NUDC: variants seen among roughly 807,000 people sequenced by gnomAD.
NUDC encodes nuclear distribution C, dynein complex regulator.
NUDC carries 14 observed loss-of-function variants against 45.0 expected under a neutral mutation model. The ratio of observed to expected loss-of-function variants is 0.31; its 90% CI spans 0.21 to 0.49. NUDC has a LOEUF of 0.49. Among genes scored for constraint, NUDC ranks in the 20% least tolerant of loss-of-function variants. The probability of loss-of-function intolerance (pLI) is 0.99; values close to 1 mark genes in which losing one functional copy is unlikely to be tolerated. For synonymous variants in NUDC, 153 were observed against 156.7 expected (o/e 0.98, Z 0.17); for missense variants, 323 against 426.2 (o/e 0.76, Z 2.13).
upstream of NUDC, among the ~76,000 whole-genome samples, chr1:26,917,264 A>C (rs1185787909): frequency 6.6e-6 from 1 of 151,174 alleles, no homozygotes; most frequent in African/African-American, 2.4e-5. Context: ...TCTCAAAATA[A>C]TAATAATAAT....
intron 2 of NUDC, among the ~76,000 whole-genome samples, chr1:26,908,483 A>G (rs1338262415): frequency 6.6e-6 from 1 of 152,214 alleles, no homozygotes; most frequent in African/African-American, 2.4e-5. Context: ...CAGACAAGAA[A>G]CAGAAGTGTA....
upstream of NUDC, among the ~76,000 whole-genome samples, chr1:26,919,429 G>A (rs980687999): frequency 6.6e-6 from 1 of 152,118 alleles, no homozygotes; most frequent in Admixed American, 6.6e-5. Context: ...TGCAAGTGTT[G>A]GGATTACAGG....
At chr1:26,943,954 T>C (rs2082299123) in intron 6 of NUDC, among the ~76,000 whole-genome samples, 1 of 152,062 alleles carries the variant, frequency 6.6e-6, no homozygotes, top group South Asian at 2.1e-4. Context: ...CTCGGCTCAC[T>C]GCGAGCTCCG....
chr1:26,927,832 G>A (rs1321379219), intron 2 of NUDC, among the ~76,000 whole-genome samples: 1 of 152,058 alleles, frequency 6.6e-6, no homozygotes, highest in African/African-American at 2.4e-5. Context: ...AAATTATTTG[G>A]ATTTCAGAAA....
chr1:26,928,646 G>A (rs866940144), intron 2 of NUDC, among the ~76,000 whole-genome samples: 4 of 152,160 alleles, frequency 2.6e-5, no homozygotes, highest in African/African-American at 7.2e-5. Flanking sequence ...TCAGTGAGCC[G>A]TGATTGTGTC....
intron 1 of NUDC, among the ~76,000 whole-genome samples, chr1:26,901,590 A>G (rs1469399041): frequency 6.6e-6 from 1 of 151,686 alleles, no homozygotes; most frequent in African/African-American, 2.4e-5. Context: ...TTTTTAGTAG[A>G]GACGGGGTTT....
At chr1:26,909,495 G>A (rs999874630) in intron 2 of NUDC, among the ~76,000 whole-genome samples, 1 of 152,152 alleles carries the variant, frequency 6.6e-6, no homozygotes, top group Non-Finnish European at 1.5e-5. Context: ...GCCTAGGGTG[G>A]GGCATAGAGA....
intron 4 of NUDC, 88 bp from the exon 5 acceptor site, chr1:26,942,572 C>T: frequency 6.3e-7 from 1 of 1,590,620 alleles, no homozygotes; most frequent in Non-Finnish European, 8.6e-7. Flanking sequence ...GCTGTATGCC[C>T]AGTGCTAGCC....
At chr1:26,930,673 T>C (rs2082175752) in intron 2 of NUDC, among the ~76,000 whole-genome samples, 2 of 148,044 alleles carry the variant, frequency 1.4e-5, no homozygotes, top group Non-Finnish European at 3.0e-5. Context: ...TAAACGGCAC[T>C]GTAATCCATC....
chr1:26,941,463 A>T lies in NUDC; in HGVS notation c.166A>T (p.Thr56Ser). The T allele has an allele frequency of 1.2e-6, 2 of 1,613,812 alleles. No individual in the cohort carries two copies. Among genetic ancestry groups the T allele is most frequent in the Non-Finnish European group, 1.7e-6 (2 of 1,179,992 alleles). ...GCCTTTCTTCCCTCTCCAGCTTATCACACAGACTTTCAGCCACCACAATCA... is the reference window on the plus strand; with the variant it reads ...GCCTTTCTTCCCTCTCCAGCTTATCTCACAGACTTTCAGCCACCACAATCA... ...GEEGMAEKLITQTFSHHNQLA... is the reference protein window; with the variant it reads ...GEEGMAEKLISQTFSHHNQLA... Residue 56 changes from threonine to serine, a missense_variant, in exon 3 of 9, where the codon ACA becomes TCA. By Grantham distance (58) the Thr-to-Ser change is moderately conservative. Transcript: ENST00000321265.
chr1:26,921,450 G>A (rs1214292710), upstream of NUDC, among the ~76,000 whole-genome samples: 1 of 152,168 alleles, frequency 6.6e-6, no homozygotes, highest in South Asian at 2.1e-4. Context: ...GCAAGGGAGA[G>A]GGGCAAAACT....
upstream of NUDC, chr1:26,900,213 A>G (rs781679776): frequency 6.2e-7 from 1 of 1,614,154 alleles, no homozygotes; most frequent in Non-Finnish European, 8.5e-7. Flanking sequence ...CTGAGAGAGA[A>G]GCTGGCCCTC....
intron 3 of NUDC, among the ~76,000 whole-genome samples, chr1:26,913,172 G>C (rs1302477935): frequency 2.6e-5 from 4 of 152,114 alleles, no homozygotes; most frequent in African/African-American, 9.7e-5. Flanking sequence ...TGTAATCCCA[G>C]CTACTCGGGA....
At chr1:26,930,362 G>T (rs1449821526) in intron 2 of NUDC, among the ~76,000 whole-genome samples, 1 of 152,140 alleles carries the variant, frequency 6.6e-6, no homozygotes, top group Non-Finnish European at 1.5e-5. Context: ...TAGAGTGGGG[G>T]TTTCACCATC....
intron 2 of NUDC, chr1:26,929,607 G>A: frequency 3.8e-6 from 1 of 264,410 alleles, no homozygotes; most frequent in Non-Finnish European, 8.2e-6. Flanking sequence ...GAGTGGTCCT[G>A]GAACAAATCT....
chr1:26,943,044 G>T lies in NUDC; in HGVS notation c.720G>T (p.Val240=), dbSNP rs770927596. The change falls in exon 6 of 9, where the codon GTG becomes GTT. Residue 240 remains valine, a synonymous_variant. Coordinates refer to ENST00000321265, the MANE Select transcript of NUDC (RefSeq NM_006600.4). The stretch of plus-strand genomic sequence containing the variant: ...CGTGGCTCATTGAGGACGGCAAGGT[G>T]GTGACTGTGCATCTGGAGAAGGTAT... The part of the protein sequence containing the change: ...ESSWLIEDGK[V]VTVHLEKINK... The T allele has an allele frequency of 1.9e-6, 3 of 1,613,982 alleles. No individual in the cohort carries two copies. The highest frequency in any genetic ancestry group is 1.7e-6 in the Non-Finnish European group (2 of 1,180,032).
chr1:26,942,794 G>T lies in NUDC; in HGVS notation c.546+18G>T. ...AGCTGGACGTGAGTGTCAGGGACCA[G>T]AGGTAAAGCTTAGGGGGCCAGCCTG... On this transcript the variant is annotated intron_variant, in intron 5 of 8. Transcript: ENST00000321265. 1 of 1,614,224 alleles carries T rather than the reference G, an allele frequency of 6.2e-7. No homozygotes were observed.
At chr1:26,929,474 TGTATTAG>T (rs1313297753) in intron 2 of NUDC, among the ~76,000 whole-genome samples, 1 of 152,022 alleles carries the variant, frequency 6.6e-6, no homozygotes, top group Non-Finnish European at 1.5e-5. Context: ...GCAGTTACAT[TGTATTAG>T]GTATTAGGTA....
At chr1:26,913,622 AG>A in intron 3 of NUDC, 1 of 1,614,010 alleles carries the variant, frequency 6.2e-7, no homozygotes. Context: ...GCCACCTCAA[AG>A]GTCACAGCAT....
Sources: gnomAD v4.1 joint callset for allele counts (sites outside exome capture counted in the v4.1 genomes callset) on GRCh38, gnomAD v4.1.1 for gene constraint, MANE v1.5 for transcripts, NCBI Gene and HGNC (gene_info 2026-07-23, HGNC 2026-07-21) for gene names.